Variants in ITGA9 observed in about 807,000 individuals in gnomAD.
ITGA9 encodes the protein integrin alpha-9.
Under a neutral mutation model 127.8 loss-of-function variants are expected in ITGA9, and 56 were observed. The observed-to-expected ratio is 0.44, with a 90% CI of 0.35 to 0.55. ITGA9 has a LOEUF of 0.55. Among genes scored for constraint, ITGA9 ranks in the 20% least tolerant of loss-of-function variants. The pLI is 0.00. For synonymous variants in ITGA9, 508 were observed against 514.5 expected (o/e 0.99, Z 0.17); for missense variants, 1,196 against 1,347.1 (o/e 0.89, Z 1.76).
intron 23 of ITGA9, among the ~76,000 whole-genome samples, chr3:37,751,405 G>A (rs1559587781): frequency 6.6e-6 from 1 of 152,148 alleles, no homozygotes; most frequent in Non-Finnish European, 1.5e-5. Flanking sequence ...TATTAACCAT[G>A]CTGACCATGC....
chr3:37,602,434 A>G (rs1355357489), intron 15 of ITGA9, among the ~76,000 whole-genome samples: 4 of 152,168 alleles, frequency 2.6e-5, no homozygotes, highest in Non-Finnish European at 2.9e-5. Flanking sequence ...AGAGGCACAT[A>G]TACCAAAGAG....
intron 15 of ITGA9, among the ~76,000 whole-genome samples, chr3:37,617,897 A>G (rs539313750): frequency 6.6e-6 from 1 of 152,218 alleles, no homozygotes; most frequent in East Asian, 1.9e-4. Flanking sequence ...CTTCTTTGCC[A>G]TGGGTTCAAA....
At chr3:37,708,736 A>T (rs1047612244) in intron 18 of ITGA9, among the ~76,000 whole-genome samples, 4 of 152,362 alleles carry the variant, frequency 2.6e-5, no homozygotes, top group Middle Eastern at 3.4e-3. Flanking sequence ...ACCCTGGATT[A>T]TCCCTTTTTA....
At chr3:37,480,385 A>G (rs1323841627) in intron 3 of ITGA9, among the ~76,000 whole-genome samples, 1 of 152,148 alleles carries the variant, frequency 6.6e-6, no homozygotes, top group South Asian at 2.1e-4. Context: ...GCATCTGTCC[A>G]TCTTCTTCGC....
chr3:37,780,838 T>G (rs1418050543), intron 25 of ITGA9, among the ~76,000 whole-genome samples: 2 of 152,176 alleles, frequency 1.3e-5, no homozygotes, highest in African/African-American at 2.4e-5. Context: ...ACATCTGTTG[T>G]TGTAGTTGTT....
chr3:37,541,172 T>C (rs1157364575), intron 14 of ITGA9, among the ~76,000 whole-genome samples: 1 of 152,214 alleles, frequency 6.6e-6, no homozygotes, highest in Non-Finnish European at 1.5e-5. Flanking sequence ...TAAATGCCAG[T>C]GGGCTCGGGG....
chr3:37,580,780 C>T (rs1699702102), intron 15 of ITGA9, among the ~76,000 whole-genome samples: 1 of 152,224 alleles, frequency 6.6e-6, no homozygotes, highest in South Asian at 2.1e-4. Context: ...CTAGGGGCTT[C>T]CTGCTGTATT....
chr3:37,560,707 G>T (rs546003153), intron 15 of ITGA9, among the ~76,000 whole-genome samples: 1 of 152,294 alleles, frequency 6.6e-6, no homozygotes, highest in Non-Finnish European at 1.5e-5. Flanking sequence ...GACCGGTGAT[G>T]ATGAGCATTT....
At chr3:37,628,170 C>T (rs1700194339) in intron 15 of ITGA9, among the ~76,000 whole-genome samples, 1 of 152,170 alleles carries the variant, frequency 6.6e-6, no homozygotes, top group Non-Finnish European at 1.5e-5. Context: ...CTGCCACTCT[C>T]CTGTCTCCCC....
At chr3:37,746,921 C>G (rs1027571276) in intron 22 of ITGA9, among the ~76,000 whole-genome samples, 4 of 152,118 alleles carry the variant, frequency 2.6e-5, no homozygotes, top group African/African-American at 9.7e-5. Context: ...GTGTGAAGAC[C>G]TGGTAAGATT....
intron 16 of ITGA9, among the ~76,000 whole-genome samples, chr3:37,652,365 A>G (rs1331128697): frequency 6.6e-6 from 1 of 152,154 alleles, no homozygotes; most frequent in Non-Finnish European, 1.5e-5. Context: ...AAGAAAGAGC[A>G]AATATATTGA....
intron 26 of ITGA9, among the ~76,000 whole-genome samples, chr3:37,787,368 G>A (rs923716140): frequency 1.2e-4 from 18 of 151,926 alleles, no homozygotes; most frequent in Middle Eastern, 3.2e-3. Flanking sequence ...TTAACATCTC[G>A]TTGTTGGATT....
intron 20 of ITGA9, 24 bp from the exon 21 acceptor site, chr3:37,741,706 A>C: frequency 6.3e-7 from 1 of 1,598,738 alleles, no homozygotes. Flanking sequence ...GCCAGCGTTC[A>C]TTCATTCTCC....
intron 16 of ITGA9, among the ~76,000 whole-genome samples, chr3:37,631,173 G>T (rs1700227270): frequency 6.6e-6 from 1 of 152,168 alleles, no homozygotes; most frequent in Admixed American, 6.5e-5. Flanking sequence ...CCAGACTCGG[G>T]GTCCTGGGAA....
At chr3:37,691,981 T>G (rs1700836974) in intron 18 of ITGA9, among the ~76,000 whole-genome samples, 1 of 152,166 alleles carries the variant, frequency 6.6e-6, no homozygotes, top group African/African-American at 2.4e-5. Context: ...GCAACCAGTG[T>G]GAAATAGAGG....
intron 15 of ITGA9, among the ~76,000 whole-genome samples, chr3:37,609,200 C>T (rs1413790347): frequency 6.6e-6 from 1 of 152,156 alleles, no homozygotes; most frequent in Middle Eastern, 3.2e-3. Context: ...CTCTCATCTG[C>T]TGCCCCTCAC....
intron 4 of ITGA9, among the ~76,000 whole-genome samples, chr3:37,483,043 A>G (rs1216693209): frequency 6.6e-6 from 1 of 152,214 alleles, no homozygotes; most frequent in African/African-American, 2.4e-5. Context: ...AGAAAAAGGA[A>G]AAGCCTCTGG....
intron 18 of ITGA9, among the ~76,000 whole-genome samples, chr3:37,729,425 C>T (rs1320348498): frequency 6.6e-6 from 1 of 152,062 alleles, no homozygotes; most frequent in Admixed American, 6.6e-5. Flanking sequence ...CACCAAGATC[C>T]AACCAGAATT....
At chr3:37,551,630 A>C (rs561988996) in intron 15 of ITGA9, among the ~76,000 whole-genome samples, 1 of 152,296 alleles carries the variant, frequency 6.6e-6, no homozygotes, top group African/African-American at 2.4e-5. Flanking sequence ...CACGGCATCC[A>C]TTCCTAAGGT....
Sources: gnomAD v4.1 joint callset for allele counts (sites outside exome capture counted in the v4.1 genomes callset) on GRCh38, gnomAD v4.1.1 for gene constraint, MANE v1.5 for transcripts, NCBI Gene and HGNC (gene_info 2026-07-23, HGNC 2026-07-21) for gene names.